Variants in PLXNA2 observed in about 807,000 individuals in gnomAD.
PLXNA2 encodes the protein plexin A2.
PLXNA2 carries 91 observed loss-of-function variants against 193.5 expected under a neutral mutation model. The ratio of observed to expected loss-of-function variants is 0.47; its 90% CI spans 0.40 to 0.56. The LOEUF is 0.56. PLXNA2 is among the 20% of genes least tolerant of loss of function. PLXNA2 has a pLI of 0.00. For missense variants in PLXNA2, 1,995 were observed against 2,503.2 expected, an observed-to-expected ratio of 0.80 and a Z score of 4.33; for synonymous variants, 997 against 1,027.3, an observed-to-expected ratio of 0.97 and a Z score of 0.56.
chr1:208,144,277 T>A (rs1035497206), intron 3 of PLXNA2, among the ~76,000 whole-genome samples: 1 of 152,166 alleles, frequency 6.6e-6, no homozygotes, highest in Non-Finnish European at 1.5e-5. Context: ...TGTTTTCAGT[T>A]CTTATTGGCC....
At chr1:208,234,592 G>A (rs754289464) in intron 1 of PLXNA2, among the ~76,000 whole-genome samples, 4 of 152,136 alleles carry the variant, frequency 2.6e-5, no homozygotes, top group Non-Finnish European at 4.4e-5. Flanking sequence ...TGCTACCAAG[G>A]ATCTGATCCC....
Position 208,042,080 on chromosome 1 carries a change from C to T in PLXNA2, c.4286+18G>A, listed in dbSNP as rs1558160327. On this transcript the variant is annotated intron_variant, in intron 22 of 31. Transcript: ENST00000367033. ...TCAGACTCCTGCCACCCTCTCCACC[C>T]ACTGCTGCGGGCCAGACCTCCGGAG... is the stretch of plus-strand genomic sequence containing the variant. 2 of 1,610,490 alleles carry T rather than the reference C, an allele frequency of 1.2e-6. No homozygotes were observed. The highest frequency in any genetic ancestry group is 1.7e-6 in the Non-Finnish European group (2 of 1,177,918).
intron 3 of PLXNA2, among the ~76,000 whole-genome samples, chr1:208,208,126 A>G (rs1233486439): frequency 6.6e-6 from 1 of 152,230 alleles, no homozygotes; most frequent in Non-Finnish European, 1.5e-5. Context: ...AAGTCAACTC[A>G]AGGTCCCTTT....
intron 2 of PLXNA2, 126 bp downstream of exon 2, chr1:208,216,609 G>C: frequency 9.1e-7 from 1 of 1,102,512 alleles, no homozygotes; most frequent in Non-Finnish European, 1.3e-6. Flanking sequence ...CTGATAACCT[G>C]AGTCTGAAAA....
intron 4 of PLXNA2, among the ~76,000 whole-genome samples, chr1:208,120,886 G>C (rs1475185876): frequency 6.6e-6 from 1 of 152,190 alleles, no homozygotes; most frequent in Non-Finnish European, 1.5e-5. Context: ...GCTCCAAGGA[G>C]GAGGCAAGAT....
intron 3 of PLXNA2, among the ~76,000 whole-genome samples, chr1:208,189,209 C>T (rs957081952): frequency 2.6e-5 from 4 of 152,210 alleles, no homozygotes; most frequent in African/African-American, 9.6e-5. Context: ...TTAACACTTC[C>T]AGCCACGTTG....
At position 208,152,965 on chromosome 1, in the gene PLXNA2, A is replaced by AAAC. The variant is rs1253557073; in HGVS notation, c.1372-10503_1372-10502insGTT. On this transcript the variant is annotated intron_variant, in intron 3 of 31. Transcript: ENST00000367033. Reference sequence around the variant, plus strand: ...CCTTGGAACTCCCATAGCACCTAGAATGTCTCTTGGCACAGTTACTTGTAA... The same window carrying AAAC: ...CCTTGGAACTCCCATAGCACCTAGAAAACTGTCTCTTGGCACAGTTACTTGTAA... 1.2e-3 allele frequency among the ~76,000 whole-genome samples: 182 copies of AAAC among 152,240 alleles called. 1 individual carries two copies. The highest frequency in any genetic ancestry group is 4.2e-3 in the African/African-American group (176 of 41,536).
chr1:208,233,751 C>T (rs1558258688), intron 1 of PLXNA2, among the ~76,000 whole-genome samples: 1 of 152,242 alleles, frequency 6.6e-6, no homozygotes, highest in African/African-American at 2.4e-5. Flanking sequence ...GCTGTGAATG[C>T]TGAGTCTATA....
intron 5 of PLXNA2, among the ~76,000 whole-genome samples, chr1:208,101,443 A>G (rs1490626057): frequency 6.6e-6 from 1 of 152,200 alleles, no homozygotes; most frequent in Non-Finnish European, 1.5e-5. Context: ...TATAAACAGC[A>G]AAAATCTTGT....
intron 28 of PLXNA2, 32 bp from the exon 29 acceptor site, chr1:208,031,791 G>T: frequency 6.6e-7 from 1 of 1,518,542 alleles, no homozygotes; most frequent in Non-Finnish European, 9.0e-7. Context: ...GTAAGATGGA[G>T]GGGGGTGACG....
chr1:208,187,383 T>C (rs1670042259), intron 3 of PLXNA2, among the ~76,000 whole-genome samples: 1 of 152,194 alleles, frequency 6.6e-6, no homozygotes, highest in African/African-American at 2.4e-5. Flanking sequence ...CCAGAGAGGC[T>C]GATCTTGGTT....
chr1:208,033,970 T>C (rs966161588), intron 27 of PLXNA2, among the ~76,000 whole-genome samples: 27 of 152,330 alleles, frequency 1.8e-4, no homozygotes, highest in African/African-American at 5.8e-4. Flanking sequence ...GGTTCAGTCC[T>C]GTGGTGCCCT....
At chr1:208,067,066 C>T (rs572913853) in intron 12 of PLXNA2, among the ~76,000 whole-genome samples, 86 of 152,170 alleles carry the variant, frequency 5.7e-4, no homozygotes, top group African/African-American at 1.9e-3. Context: ...AGTAACTGGC[C>T]GGGCGCAGTG....
intron 4 of PLXNA2, among the ~76,000 whole-genome samples, chr1:208,129,642 C>CCCCTCTCA (rs1220955902): frequency 6.6e-6 from 1 of 152,198 alleles, no homozygotes; most frequent in Non-Finnish European, 1.5e-5. Context: ...GTGAGCCCCT[C>CCCCTCTCA]CCCTCTCACG....
intron 3 of PLXNA2, among the ~76,000 whole-genome samples, chr1:208,156,451 CA>C (rs985771673): frequency 8.3e-4 from 66 of 79,862 alleles, no homozygotes; most frequent in African/African-American, 2.1e-3. Context: ...AAATCATTTA[CA>C]AAACCCATTT....
rs41345951 is a variant in PLXNA2 at position 208,058,090 on chromosome 1, T to C, written c.2738+2596A>G. 1.0e-2 allele frequency among the ~76,000 whole-genome samples: 1,522 copies of C among 152,290 alleles called. 33 individuals are homozygous for C. The highest frequency in any genetic ancestry group is 0.035 in the African/African-American group (1,468 of 41,548). On this transcript the variant is annotated intron_variant, in intron 13 of 31. Transcript: ENST00000367033. ...CTACACCACCTCCCATAGACTTGCA[T>C]AGATGGTGCCTCGCTCCCTGGGGCG...
intron 4 of PLXNA2, among the ~76,000 whole-genome samples, chr1:208,127,802 A>G (rs1366482397): frequency 6.6e-6 from 1 of 152,246 alleles, no homozygotes; most frequent in Non-Finnish European, 1.5e-5. Context: ...TTAGCTGCTC[A>G]GTAAAACGGG....
Position 208,225,609 on chromosome 1 carries a change from G to A in PLXNA2, c.-80-7607C>T, listed in dbSNP as rs548079958. On this transcript the variant is annotated intron_variant, in intron 1 of 31. Transcript: ENST00000367033. Reference sequence around the variant, plus strand: ...ATTACAGGCGTGAGCCATGGCACCCGTCCCTGAGACAGGGTCTCTACAGAG... The same window carrying A: ...ATTACAGGCGTGAGCCATGGCACCCATCCCTGAGACAGGGTCTCTACAGAG... 7.9e-5 allele frequency among the ~76,000 whole-genome samples: 12 copies of A among 152,310 alleles called. No homozygotes were observed. The East Asian group carries it at 9.6e-4, about 12-fold the overall frequency.
intron 3 of PLXNA2, among the ~76,000 whole-genome samples, chr1:208,146,591 C>T (rs757508397): frequency 6.6e-6 from 1 of 152,178 alleles, no homozygotes; most frequent in African/African-American, 2.4e-5. Context: ...GGTTTCAAAG[C>T]TGTCCTCTGT....
Sources: gnomAD v4.1 joint callset for allele counts (sites outside exome capture counted in the v4.1 genomes callset) on GRCh38, gnomAD v4.1.1 for gene constraint, MANE v1.5 for transcripts, NCBI Gene and HGNC (gene_info 2026-07-23, HGNC 2026-07-21) for gene names.